MCTP2: variants seen among roughly 807,000 people sequenced by gnomAD.
MCTP2 encodes the protein multiple C2 and transmembrane domain containing 2, also known as multiple C2 and transmembrane domain-containing protein 2.
In MCTP2, 132 loss-of-function variants were observed where a neutral mutation model predicts 111.6. That is an observed-to-expected ratio of 1.18 (90% CI 1.03 to 1.37). MCTP2 has a LOEUF of 1.37. Among genes scored for constraint, MCTP2 ranks in the 40% most tolerant of loss-of-function variants. The pLI is 0.00. For synonymous variants in MCTP2, 395 were observed against 387.7 expected (o/e 1.02, Z -0.22); for missense variants, 1,183 against 1,067.9 (o/e 1.11, Z -1.50).
chr15:94,421,778 G>A, intron 17 of MCTP2, among the ~76,000 whole-genome samples: 1 of 152,170 alleles, frequency 6.6e-6, no homozygotes, highest in Non-Finnish European at 1.5e-5. Flanking sequence ...AAGGTCAGAT[G>A]ATTAGAAAAC....
At chr15:94,323,767 G>A (rs1050712408) in intron 4 of MCTP2, among the ~76,000 whole-genome samples, 1 of 152,130 alleles carries the variant, frequency 6.6e-6, no homozygotes, top group African/African-American at 2.4e-5. Flanking sequence ...AAGAATGGCC[G>A]CCATCTTCCT....
intron 4 of MCTP2, among the ~76,000 whole-genome samples, chr15:94,336,232 T>C: frequency 6.6e-6 from 1 of 152,176 alleles, no homozygotes; most frequent in Non-Finnish European, 1.5e-5. Context: ...CCTACTGGAA[T>C]GACCTTCTCT....
rs1555447859 is a variant in MCTP2 at position 94,298,844 on chromosome 15, C to CTT, written c.465+115_465+116dup. 6 of 460,582 alleles carry CTT rather than the reference C, an allele frequency of 1.3e-5. 1 individual carries two copies. Among genetic ancestry groups the CTT allele is most frequent in the East Asian group, 3.8e-5 (1 of 26,378 alleles). 28.5% of individuals were successfully genotyped at this position (460,582 alleles called of 1,614,324 possible). A position where few individuals can be genotyped will look rare whatever the true frequency, so the allele number is the denominator to read the frequency against. ...TCTTCCCCCCTCCCCCTCCCTCTCT[C>CTT]TTCCCCCCTCCCCCTCCCTCTCTCT... On this transcript the variant is annotated intron_variant, in intron 2 of 22. Coordinates refer to ENST00000357742, the MANE Select transcript of MCTP2 (RefSeq NM_001385001.1).
rs764460164 is a variant in MCTP2, at chr15:94,298,654, G to A, written c.389G>A (p.Arg130Gln). The change falls in exon 2 of 23, where the codon CGG becomes CAG. Residue 130 changes from arginine (R) to glutamine (Q), a missense_variant. By Grantham distance (43) the Arg-to-Gln change is conservative. Transcript: ENST00000357742. ...SEEAYASPAE[R>Q]RRVSSNGIFD... ...GAGGCCTATGCCTCTCCTGCTGAGCGGAGACGGGTGTCCAGCAACGGCATC... is the reference window on the plus strand; with the variant it reads ...GAGGCCTATGCCTCTCCTGCTGAGCAGAGACGGGTGTCCAGCAACGGCATC... The A allele has an allele frequency of 1.8e-5, 29 of 1,613,888 alleles. No individual in the cohort carries two copies. The highest frequency in any genetic ancestry group is 2.3e-5 in the Non-Finnish European group (27 of 1,179,952).
chr15:94,454,575 A>G (rs1014241588), intron 19 of MCTP2, among the ~76,000 whole-genome samples: 27 of 147,764 alleles, frequency 1.8e-4, no homozygotes, highest in African/African-American at 6.6e-4. Context: ...TAACTTAAAC[A>G]TTCTCCAAAA....
At chr15:94,434,950 G>A (rs973938485) in intron 17 of MCTP2, among the ~76,000 whole-genome samples, 12 of 149,686 alleles carry the variant, frequency 8.0e-5, no homozygotes, top group Non-Finnish European at 1.2e-4. Context: ...TGCAACCTCC[G>A]CTCCTCGGGT....
intron 4 of MCTP2, among the ~76,000 whole-genome samples, chr15:94,326,813 GC>G (rs1358678233): frequency 2.6e-5 from 1 of 39,058 alleles, no homozygotes; most frequent in Non-Finnish European, 5.4e-5. Context: ...GGTGATCCCC[GC>G]CCCACCCCCC....
intron 17 of MCTP2, chr15:94,402,661 A>G (rs1223587476): frequency 2.6e-6 from 4 of 1,525,762 alleles, no homozygotes; most frequent in African/African-American, 1.4e-5. Context: ...AGCTGGCCTC[A>G]TGCCTTCACT....
intron 18 of MCTP2, among the ~76,000 whole-genome samples, chr15:94,441,502 T>C (rs2083777632): frequency 6.6e-6 from 1 of 152,234 alleles, no homozygotes; most frequent in East Asian, 1.9e-4. Flanking sequence ...TATATGTTTA[T>C]AGTATGTGCA....
intron 3 of MCTP2, among the ~76,000 whole-genome samples, chr15:94,315,177 T>A (rs961532740): frequency 6.6e-6 from 1 of 152,190 alleles, no homozygotes; most frequent in Non-Finnish European, 1.5e-5. Flanking sequence ...CAGCTGCACT[T>A]CTTCCTCCTG....
intron 1 of MCTP2, among the ~76,000 whole-genome samples, chr15:94,287,170 A>G (rs2074798042): frequency 6.6e-6 from 1 of 151,614 alleles, no homozygotes; most frequent in Non-Finnish European, 1.5e-5. Context: ...TGGAAAATAC[A>G]TTGTTCATTG....
intron 11 of MCTP2, among the ~76,000 whole-genome samples, chr15:94,368,135 A>G (rs1458738787): frequency 1.3e-5 from 2 of 152,238 alleles, no homozygotes; most frequent in African/African-American, 4.8e-5. Context: ...TGAGTTCACA[A>G]ATAACTTTAC....
chr15:94,274,851 T>G (rs2152304048), intron 1 of MCTP2, among the ~76,000 whole-genome samples: 1 of 152,308 alleles, frequency 6.6e-6, no homozygotes. Context: ...TTTCCAACTC[T>G]ATGGTTTCTA....
At chr15:94,461,057 G>A (rs2085175400) in intron 20 of MCTP2, among the ~76,000 whole-genome samples, 1 of 152,108 alleles carries the variant, frequency 6.6e-6, no homozygotes, top group Non-Finnish European at 1.5e-5. Flanking sequence ...GCATTTATGT[G>A]GAATGAACTG....
chr15:94,396,155 A>C (rs1336979608), intron 14 of MCTP2, among the ~76,000 whole-genome samples: 1 of 152,188 alleles, frequency 6.6e-6, no homozygotes, highest in Non-Finnish European at 1.5e-5. Flanking sequence ...TATTTTATCC[A>C]AGACTCATAT....
At chr15:94,243,396 T>C (rs1305341851) in intron 1 of MCTP2, among the ~76,000 whole-genome samples, 1 of 147,038 alleles carries the variant, frequency 6.8e-6, no homozygotes, top group Admixed American at 6.7e-5. Flanking sequence ...TATGCGTATA[T>C]GCGTATGTAC....
chr15:94,390,725 C>CTTTTTTTTT lies in MCTP2; in HGVS notation c.1788+5214_1788+5222dup. On this transcript the variant is annotated intron_variant, in intron 14 of 22. Transcript: ENST00000357742. ...GAAGACCTGCAATTTCTTTTCTTTT[C>CTTTTTTTTT]TTTTTTTTTTTTTTTTTTTTTTGGG... Among the ~76,000 whole-genome samples, 169 of 112,964 alleles carry CTTTTTTTTT rather than the reference C, an allele frequency of 1.5e-3. 2 individuals carry two copies. Among genetic ancestry groups the CTTTTTTTTT allele is most frequent in the Non-Finnish European group, 2.2e-3 (117 of 53,520 alleles). 74.1% of individuals were successfully genotyped at this position (112,964 alleles called of 152,430 possible).
intron 4 of MCTP2, among the ~76,000 whole-genome samples, chr15:94,320,197 C>T (rs1052760100): frequency 6.3e-5 from 9 of 143,428 alleles, no homozygotes; most frequent in Middle Eastern, 3.5e-3. Context: ...GGCTGGAGTG[C>T]GGTGGCACAG....
chr15:94,298,491 A>G lies in MCTP2; in HGVS notation c.226A>G (p.Thr76Ala). The G allele has an allele frequency of 6.2e-7, 1 of 1,613,958 alleles. No individual in the cohort carries two copies. Among genetic ancestry groups the G allele is most frequent in the African/African-American group, 1.3e-5 (1 of 75,012 alleles). The change falls in exon 2 of 23, where the codon ACC becomes GCC. Residue 76 changes from threonine (T) to alanine (A), a missense_variant. Transcript: ENST00000357742. ...RPYSGPQSSY[T>A]SVPSSLSTAG... is the part of the protein sequence containing the mutation. ...TTACTCCGGGCCACAGTCTTCCTAC[A>G]CCTCGGTGCCCAGCAGTCTGTCCAC...
Sources: gnomAD v4.1 joint callset for allele counts (sites outside exome capture counted in the v4.1 genomes callset) on GRCh38, gnomAD v4.1.1 for gene constraint, MANE v1.5 for transcripts, NCBI Gene and HGNC (gene_info 2026-07-23, HGNC 2026-07-21) for gene names.